The following VDR variants were observed in gnomAD, a reference collection of about 807,000 sequenced individuals.
VDR encodes the protein vitamin D3 receptor.
Under a neutral mutation model 39.7 loss-of-function variants are expected in VDR, and 19 were observed. The ratio of observed to expected loss-of-function variants is 0.48; its 90% CI spans 0.33 to 0.70. VDR has a LOEUF of 0.70. Among genes scored for constraint, VDR ranks in the 30% least tolerant of loss-of-function variants. The pLI is 0.02. For synonymous variants in VDR, 242 were observed against 215.8 expected, an observed-to-expected ratio of 1.12 and a Z score of -1.07; for missense variants, 442 against 570.5, an observed-to-expected ratio of 0.77 and a Z score of 2.29.
chr12:47,899,834 TACCCCAA>T, intron 1 of VDR: 2 of 913,658 alleles, frequency 2.2e-6, no homozygotes, highest in Non-Finnish European at 1.3e-6. Context: ...TAACTGTACT[TACCCCAA>T]AGAGAAGCTA....
At chr12:47,903,147 C>T (rs1265221182) in intron 1 of VDR, among the ~76,000 whole-genome samples, 1 of 152,178 alleles carries the variant, frequency 6.6e-6, no homozygotes, top group Non-Finnish European at 1.5e-5. Context: ...CATTTTTTCC[C>T]CTCCTTTCTT....
intron 1 of VDR, among the ~76,000 whole-genome samples, chr12:47,892,875 A>G (rs577190231): frequency 1.3e-4 from 20 of 152,328 alleles, no homozygotes; most frequent in Non-Finnish European, 2.6e-4. Flanking sequence ...TCCCCTCTCA[A>G]CCTCTCCACG....
chr12:47,895,241 T>A (rs1946443433), intron 1 of VDR, among the ~76,000 whole-genome samples: 1 of 152,232 alleles, frequency 6.6e-6, no homozygotes, highest in South Asian at 2.1e-4. Context: ...TGGAGCATGA[T>A]CCATTCATTC....
rs60529744 is a variant in VDR, at chr12:47,891,998, G to A, written c.-83-9224C>T. On this transcript the variant is annotated intron_variant, in intron 1 of 9. Coordinates refer to ENST00000549336, the MANE Select transcript of VDR (RefSeq NM_000376.3). ...GAGTCAGGAGGTGGCAGCGAGAACC[G>A]TGGAAGCCCTGGCAGAAGAATGGCC... Among the ~76,000 whole-genome samples the A allele has an allele frequency of 5.0e-3, 760 of 151,162 alleles. 34 individuals carry two copies. The East Asian group carries it at 0.11, about 21-fold the overall frequency.
At chr12:47,845,712 C>A (rs1165954897) in intron 9 of VDR, among the ~76,000 whole-genome samples, 1 of 152,090 alleles carries the variant, frequency 6.6e-6, no homozygotes, top group Non-Finnish European at 1.5e-5. Context: ...GGTAGAGGAG[C>A]CCATCTCCAT....
chr12:47,865,428 G>C (rs548154925), intron 3 of VDR, among the ~76,000 whole-genome samples: 3 of 152,076 alleles, frequency 2.0e-5, no homozygotes, highest in African/African-American at 4.8e-5. Flanking sequence ...GTTTCTTTTG[G>C]GGGGACAGGG....
intron 3 of VDR, among the ~76,000 whole-genome samples, chr12:47,871,186 A>G (rs769571918): frequency 6.6e-6 from 1 of 152,056 alleles, no homozygotes; most frequent in Non-Finnish European, 1.5e-5. Flanking sequence ...AGATCGGTCC[A>G]TGGGCGCAAT....
intron 7 of VDR, among the ~76,000 whole-genome samples, chr12:47,848,048 C>T (rs1466010850): frequency 2.0e-5 from 3 of 152,120 alleles, no homozygotes; most frequent in South Asian, 2.1e-4. Context: ...TACAGGTGCC[C>T]GCCACCATGG....
intron 2 of VDR, among the ~76,000 whole-genome samples, chr12:47,882,278 T>C (rs1300668261): frequency 1.3e-5 from 2 of 152,106 alleles, no homozygotes; most frequent in Non-Finnish European, 2.9e-5. Context: ...CTTGAGGTTA[T>C]TTGCTGCTAT....
intron 2 of VDR, among the ~76,000 whole-genome samples, chr12:47,882,268 C>T (rs1287702065): frequency 6.6e-6 from 1 of 152,092 alleles, no homozygotes; most frequent in Non-Finnish European, 1.5e-5. Flanking sequence ...CCCAACCCTG[C>T]TTGAGGTTAT....
chr12:47,872,582 C>T (rs1038883017), intron 3 of VDR, among the ~76,000 whole-genome samples: 10 of 152,194 alleles, frequency 6.6e-5, no homozygotes, highest in Non-Finnish European at 1.5e-4. Flanking sequence ...GTGCTAGTTA[C>T]AGCAACCACT....
chr12:47,869,088 G>A (rs1945795510), intron 3 of VDR, among the ~76,000 whole-genome samples: 2 of 152,206 alleles, frequency 1.3e-5, no homozygotes, highest in African/African-American at 4.8e-5. Flanking sequence ...CCAGCTGCAG[G>A]GTTGCCTGAA....
chr12:47,845,893 A>G (rs1945270314), intron 9 of VDR, among the ~76,000 whole-genome samples: 1 of 152,252 alleles, frequency 6.6e-6, no homozygotes, highest in Admixed American at 6.5e-5. Flanking sequence ...GGAAGAGGTC[A>G]AGGGTCACTG....
Position 47,844,865 on chromosome 12 carries a change from C to T in VDR, c.1165G>A (p.Asp389Asn), listed in dbSNP as rs760029819. 7 of 1,614,040 alleles carry T rather than the reference C, an allele frequency of 4.3e-6. No individual in the cohort carries two copies. Among genetic ancestry groups the T allele is most frequent in the African/African-American group, 2.7e-5 (2 of 74,910 alleles). The change falls in exon 10 of 10, where the codon GAC becomes AAC. Residue 389 changes from aspartate to asparagine, a missense_variant. Asp to Asn is a conservative substitution (Grantham distance 23). Transcript: ENST00000549336. ...TGCTCCTCATTGAGGCTGCGCAGGT[C>T]GGCTAGCTTCTGGATCATCTTGGCA... is the stretch of plus-strand genomic sequence containing the variant. Reference protein sequence around the residue: ...LYAKMIQKLADLRSLNEEHSK... With the variant: ...LYAKMIQKLANLRSLNEEHSK...
intron 3 of VDR, among the ~76,000 whole-genome samples, chr12:47,871,159 G>A (rs34831528): frequency 6.6e-6 from 1 of 152,172 alleles, no homozygotes; most frequent in African/African-American, 2.4e-5. Flanking sequence ...CCACTTCCAG[G>A]TATTTATCCT....
chr12:47,881,876 T>C (rs1946157003), intron 2 of VDR, among the ~76,000 whole-genome samples: 1 of 152,162 alleles, frequency 6.6e-6, no homozygotes, highest in Non-Finnish European at 1.5e-5. Context: ...CTGTCCAGGA[T>C]GCTTGTGGCT....
At chr12:47,853,150 G>A (rs892535460) in intron 7 of VDR, among the ~76,000 whole-genome samples, 5 of 152,168 alleles carry the variant, frequency 3.3e-5, no homozygotes, top group Non-Finnish European at 7.3e-5. Flanking sequence ...ATACTCTATT[G>A]TTTTAAGAAT....
chr12:47,879,672 C>T (rs1010625498), intron 2 of VDR, among the ~76,000 whole-genome samples: 1 of 152,168 alleles, frequency 6.6e-6, no homozygotes, highest in African/African-American at 2.4e-5. Flanking sequence ...GTCATTCCAG[C>T]CCCAGCTCCT....
Position 47,879,066 on chromosome 12 carries a change from A to G in VDR, c.48T>C (p.Phe16=), listed in dbSNP as rs11832059. 1.4e-3 allele frequency: 2,205 copies of G among 1,614,142 alleles called. 32 individuals are homozygous for G. The African/African-American group carries it at 0.026, about 19-fold the overall frequency. ...CACAGATCCGGGGCACGTTCCGGTC[A>G]AAGTCTCCAGGGTCAGGCAGGGAAG... is the stretch of plus-strand genomic sequence containing the variant. ...ASTSLPDPGD[F]DRNVPRICGV... The change falls in exon 3 of 10, where the codon TTT becomes TTC. Residue 16 remains phenylalanine (F), a synonymous_variant. Coordinates refer to ENST00000549336, the MANE Select transcript of VDR (RefSeq NM_000376.3).
Sources: allele counts gnomAD v4.1 joint callset (sites outside exome capture counted in the v4.1 genomes callset), GRCh38; gene constraint gnomAD v4.1.1; transcripts MANE v1.5; gene names NCBI Gene and HGNC (gene_info 2026-07-23, HGNC 2026-07-21).